The following C8A variants were observed in gnomAD, a reference collection of about 807,000 sequenced individuals.
C8A encodes the protein complement component C8 alpha chain.
In C8A, 67 loss-of-function variants were observed where a neutral mutation model predicts 65.3. That is an observed-to-expected ratio of 1.03 (90% CI 0.84 to 1.26). C8A has a LOEUF of 1.26. Ranked by LOEUF, C8A falls within the 50% of genes most tolerant of loss-of-function variation. C8A has a pLI of 0.00. For synonymous variants in C8A, 290 were observed against 259.4 expected (o/e 1.12, Z -1.13); for missense variants, 781 against 723.9 (o/e 1.08, Z -0.90).
At chr1:56,905,544 G>A (rs1008991337) in intron 7 of C8A, among the ~76,000 whole-genome samples, 15 of 152,196 alleles carry the variant, frequency 9.9e-5, no homozygotes, top group African/African-American at 2.4e-4. Context: ...TGAATTAGAC[G>A]CAAGTCCTTG....
chr1:56,881,415 G>C (rs1644246134), intron 4 of C8A, 30 bp from the exon 5 acceptor site: 1 of 1,610,594 alleles, frequency 6.2e-7, no homozygotes, highest in Non-Finnish European at 8.5e-7. Flanking sequence ...GCATCCACTA[G>C]CTATTTAGAA....
rs1026445485 is a variant in C8A, at chr1:56,883,672, T to C, written c.846T>C (p.Tyr282=). The C allele has an allele frequency of 1.2e-6, 2 of 1,612,858 alleles. No homozygotes were observed. The highest frequency in any genetic ancestry group is 1.7e-5 in the Admixed American group (1 of 59,942). Residue 282 remains tyrosine (Y), a synonymous_variant, in exon 6 of 11, where the codon TAT becomes TAC. Transcript: ENST00000361249. ...DTSFLNELNK[Y]NEKKFIFTRI... ...CATTCTTGAACGAATTAAACAAGTA[T>C]AATGAGAAGGTATTCAAACATAATG...
At chr1:56,909,229 C>A (rs2101303354) in intron 9 of C8A, among the ~76,000 whole-genome samples, 1 of 152,342 alleles carries the variant, frequency 6.6e-6, no homozygotes, top group East Asian at 1.9e-4. Flanking sequence ...GCATTTCAGA[C>A]TTTGAAGCAA....
At chr1:56,903,386 T>C (rs1024267147) in intron 7 of C8A, among the ~76,000 whole-genome samples, 3 of 152,206 alleles carry the variant, frequency 2.0e-5, no homozygotes, top group Non-Finnish European at 2.9e-5. Flanking sequence ...TTGCTTCCCC[T>C]TCTTCCATGA....
chr1:56,865,384 G>T (rs763320115), intron 1 of C8A, among the ~76,000 whole-genome samples: 27 of 152,226 alleles, frequency 1.8e-4, no homozygotes, highest in Non-Finnish European at 3.7e-4. Context: ...GTTAACAGGT[G>T]ATCGTCTTCT....
At chr1:56,916,196 G>C (rs140120442) in intron 10 of C8A, among the ~76,000 whole-genome samples, 1 of 152,348 alleles carries the variant, frequency 6.6e-6, no homozygotes, top group East Asian at 1.9e-4. Context: ...GGAGGAGACA[G>C]AGGGCTGCTC....
intron 5 of C8A, 51 bp downstream of exon 5, chr1:56,881,685 A>G: frequency 6.6e-7 from 1 of 1,522,092 alleles, no homozygotes; most frequent in South Asian, 1.1e-5. Context: ...GGTGGCAGAG[A>G]GGCAGAGGCC....
rs201888176 is a variant in C8A, at chr1:56,856,793, A to G, written c.77+1815A>G. ...CTAAAAATCAGTGGATCTCTATTAC[A>G]TATTTTATACAAATTTATTTTATAA... On this transcript the variant is annotated intron_variant, in intron 1 of 10. Transcript: ENST00000361249. 1.8e-4 allele frequency among the ~76,000 whole-genome samples: 28 copies of G among 152,140 alleles called. 1 individual carries two copies. In the East Asian group the frequency reaches 5.0e-3, roughly 27 times the overall value.
At chr1:56,902,198 G>A (rs927379668) in intron 7 of C8A, among the ~76,000 whole-genome samples, 26 of 152,110 alleles carry the variant, frequency 1.7e-4, no homozygotes, top group African/African-American at 6.3e-4. Context: ...ATCTCTGCTT[G>A]ACTTCTGACT....
intron 4 of C8A, among the ~76,000 whole-genome samples, chr1:56,880,962 T>A (rs539043847): frequency 1.3e-5 from 2 of 152,302 alleles, no homozygotes; most frequent in South Asian, 2.1e-4. Context: ...GGATTCATGA[T>A]AATTGCACAT....
At chr1:56,913,962 G>T (rs902186045) in intron 10 of C8A, among the ~76,000 whole-genome samples, 1 of 152,180 alleles carries the variant, frequency 6.6e-6, no homozygotes, top group African/African-American at 2.4e-5. Context: ...CAAAAGTCAA[G>T]AGCTCAGGAT....
At chr1:56,880,576 C>T (rs879000699) in intron 4 of C8A, among the ~76,000 whole-genome samples, 2 of 152,252 alleles carry the variant, frequency 1.3e-5, no homozygotes, top group Non-Finnish European at 2.9e-5. Context: ...TGTGCACCCT[C>T]CAATGTCCCA....
chr1:56,906,300 T>C (rs1003102732), intron 7 of C8A, among the ~76,000 whole-genome samples: 1 of 152,094 alleles, frequency 6.6e-6, no homozygotes. Context: ...GGGACAAATA[T>C]GTGCAAAAGT....
At position 56,885,476 on chromosome 1, in the gene C8A, T is replaced by A. The variant is rs188176823; in HGVS notation, c.856-451T>A. Among the ~76,000 whole-genome samples, 182 of 102,588 alleles carry A rather than the reference T, an allele frequency of 1.8e-3. 2 individuals carry two copies. Among genetic ancestry groups the A allele is most frequent in the South Asian group, 8.6e-3 (27 of 3,154 alleles). The allele number at this position is 102,588 out of a possible 152,430, so 67.3% of individuals were successfully genotyped here. ...TATATTTCCGTAAATATATATTTAT[T>A]TAAATATATATTTACGTAAATACAT... is the stretch of plus-strand genomic sequence containing the variant. On this transcript the variant is annotated intron_variant, in intron 6 of 10. Transcript: ENST00000361249.
chr1:56,887,081 C>A (rs1216958232), intron 7 of C8A, among the ~76,000 whole-genome samples: 2 of 152,170 alleles, frequency 1.3e-5, no homozygotes, highest in African/African-American at 2.4e-5. Flanking sequence ...GATAAGAGAT[C>A]TATCCATATT....
chr1:56,912,554 A>AGGAT lies in C8A; in HGVS notation c.1534_1535insATGG (p.Gly512AspfsTer13), dbSNP rs1644517849. On this transcript the variant is annotated frameshift_variant, in exon 10 of 11. Transcript: ENST00000361249. LOFTEE classifies it high-confidence loss of function. The stretch of plus-strand genomic sequence containing the variant: ...TTCAACAATGGGGTGCCCATCCTCG[A>AGGAT]GGGCACCAGCTGCAGGTGCCAGTGC... 1 of 1,614,174 alleles carries AGGAT rather than the reference A, an allele frequency of 6.2e-7. No homozygotes were observed. The highest frequency in any genetic ancestry group is 8.5e-7 in the Non-Finnish European group (1 of 1,180,020).
intron 7 of C8A, among the ~76,000 whole-genome samples, chr1:56,903,249 TG>T (rs1644439887): frequency 6.6e-6 from 1 of 152,120 alleles, no homozygotes; most frequent in Non-Finnish European, 1.5e-5. Flanking sequence ...AATTTAATCA[TG>T]GGGGTGGTTA....
At chr1:56,894,959 C>T (rs763382997) in intron 7 of C8A, among the ~76,000 whole-genome samples, 5 of 151,888 alleles carry the variant, frequency 3.3e-5, no homozygotes, top group Non-Finnish European at 7.4e-5. Flanking sequence ...AATGTTTTTG[C>T]GTATAATAAC....
chr1:56,876,806 T>A (rs543722258), intron 4 of C8A, among the ~76,000 whole-genome samples: 1 of 151,864 alleles, frequency 6.6e-6, no homozygotes, highest in Non-Finnish European at 1.5e-5. Flanking sequence ...CTTGAATGCA[T>A]CACACTCTTT....
Sources: allele counts gnomAD v4.1 joint callset (sites outside exome capture counted in the v4.1 genomes callset), GRCh38; gene constraint gnomAD v4.1.1; transcripts MANE v1.5; gene names NCBI Gene and HGNC (gene_info 2026-07-23, HGNC 2026-07-21).